The following SCN1A variants were observed in gnomAD, a reference collection of about 807,000 sequenced individuals.
SCN1A encodes the protein sodium voltage-gated channel alpha subunit 1, also known as sodium channel protein type 1 subunit alpha.
Under a neutral mutation model 193.7 loss-of-function variants are expected in SCN1A, and 13 were observed. The observed-to-expected ratio is 0.07, with a 90% confidence interval of 0.04 to 0.11. SCN1A has a LOEUF of 0.11. SCN1A is among the 10% of genes least tolerant of loss of function. The pLI is 1.00. For missense variants in SCN1A, 1,432 were observed against 2,451.1 expected, an observed-to-expected ratio of 0.58 and a Z score of 8.78; for synonymous variants, 781 against 843.6, an observed-to-expected ratio of 0.93 and a Z score of 1.29.
upstream of SCN1A, among the ~76,000 whole-genome samples, chr2:166,129,988 G>A (rs1445625303): frequency 1.3e-5 from 2 of 152,074 alleles, no homozygotes; most frequent in Admixed American, 6.6e-5. Flanking sequence ...CCTCACCATG[G>A]GGACTCAGGA....
chr2:166,145,528 T>TTA lies in SCN1A; in HGVS notation c.-50+3518_-50+3519insTA, dbSNP rs1553468487. Among the ~76,000 whole-genome samples, 5 of 150,302 alleles carry TTA rather than the reference T, an allele frequency of 3.3e-5. No individual in the cohort carries two copies. In the East Asian group the frequency reaches 9.8e-4, roughly 30 times the overall value. On this transcript the variant is annotated intron_variant, in intron 1 of 26. Transcript: ENST00000635750. ...GAATCTTTAACTGTTGGAGAAAAAT[T>TTA]TGTGTGTGTGTGTGTGTGTAGGCGC...
At chr2:166,097,228 C>T (rs936903030) in intron 2 of SCN1A, among the ~76,000 whole-genome samples, 1 of 152,166 alleles carries the variant, frequency 6.6e-6, no homozygotes, top group Middle Eastern at 3.4e-3. Flanking sequence ...CACCATGTCA[C>T]CCAGGCTGGT....
At chr2:166,108,243 C>T (rs940542875) in intron 2 of SCN1A, among the ~76,000 whole-genome samples, 7 of 151,724 alleles carry the variant, frequency 4.6e-5, no homozygotes, top group Admixed American at 3.9e-4. Context: ...AAATAAAAAA[C>T]CCAATGAGAC....
At chr2:166,078,976 G>C (rs977860593) in intron 2 of SCN1A, among the ~76,000 whole-genome samples, 1 of 151,312 alleles carries the variant, frequency 6.6e-6, no homozygotes, top group African/African-American at 2.4e-5. Flanking sequence ...AATGTAGTTC[G>C]TACCATTTCT....
chr2:166,103,133 A>G (rs1020071534), intron 2 of SCN1A, among the ~76,000 whole-genome samples: 5 of 152,032 alleles, frequency 3.3e-5, no homozygotes, highest in Non-Finnish European at 5.9e-5. Context: ...GGCCAGACAC[A>G]GTTGAATAGC....
At chr2:166,044,307 C>T (rs1396247256) in intron 13 of SCN1A, among the ~76,000 whole-genome samples, 1 of 152,074 alleles carries the variant, frequency 6.6e-6, no homozygotes. Context: ...CACACACACA[C>T]ATACACACAC....
chr2:166,056,942 C>CAT (rs1286678886), intron 5 of SCN1A, among the ~76,000 whole-genome samples: 17 of 152,150 alleles, frequency 1.1e-4, no homozygotes, highest in Admixed American at 6.6e-5. Flanking sequence ...TTCTTAAACA[C>CAT]ATCTTATCCA....
chr2:166,052,964 A>C, intron 7 of SCN1A, 21 bp from the exon 8 acceptor site: 1 of 1,591,344 alleles, frequency 6.3e-7, no homozygotes, highest in Non-Finnish European at 8.6e-7. Flanking sequence ...GAGTTCACAC[A>C]CAAACACAAA....
rs756519197 is a variant in SCN1A at position 165,991,313 on chromosome 2, G to A, written c.5962C>T (p.Arg1988Trp). Reference protein sequence around the residue: ...STAACPPSYDRVTKPIVEKHE... With the variant: ...STAACPPSYDWVTKPIVEKHE... ...TTTTCCACAATTGGCTTTGTCACCC[G>A]GTCATAGGAAGGTGGACAAGCTGCA... Residue 1988 changes from arginine to tryptophan, a missense_variant, in exon 29 of 29, where the codon CGG becomes TGG. Physicochemically the swap from Arg to Trp is moderately radical, Grantham distance 101 (BLOSUM62 -3). Coordinates refer to ENST00000674923, the MANE Select transcript of SCN1A (RefSeq NM_001165963.4). 6.2e-6 allele frequency: 10 copies of A among 1,613,286 alleles called. No individual in the cohort carries two copies. The highest frequency in any genetic ancestry group is 3.3e-5 in the South Asian group (3 of 91,016).
rs577310074 is a variant in SCN1A, at chr2:166,026,712, C to G, written c.3429+9336G>C. 5.0e-5 allele frequency among the ~76,000 whole-genome samples: 5 copies of G among 99,868 alleles called. No homozygotes were observed. In the East Asian group the frequency reaches 1.6e-3, roughly 32 times the overall value. The allele number at this position is 99,868 out of a possible 152,430, so 65.5% of individuals were successfully genotyped here. On this transcript the variant is annotated intron_variant, in intron 19 of 28. Transcript: ENST00000674923. ...TTTTTTTTTTTTTTTGAGACTGAGT[C>G]TTGCTCTGTCGCTCAGGCTGGAGTG...
chr2:166,028,876 T>C (rs931354734), intron 19 of SCN1A, among the ~76,000 whole-genome samples: 3 of 152,174 alleles, frequency 2.0e-5, no homozygotes, highest in East Asian at 1.9e-4. Flanking sequence ...CCACACACTC[T>C]AATAGGAGTA....
chr2:166,115,506 T>C (rs1689753877), intron 2 of SCN1A, among the ~76,000 whole-genome samples: 1 of 152,210 alleles, frequency 6.6e-6, no homozygotes. Context: ...CAGTGCTTAA[T>C]CATAGTATAT....
chr2:166,079,132 A>G (rs1407017403), intron 2 of SCN1A, among the ~76,000 whole-genome samples: 1 of 151,614 alleles, frequency 6.6e-6, no homozygotes, highest in Non-Finnish European at 1.5e-5. Flanking sequence ...CTTATTTCTT[A>G]TCTTATGTAG....
chr2:166,026,517 A>AAT (rs1362794592), intron 19 of SCN1A, among the ~76,000 whole-genome samples: 2 of 152,088 alleles, frequency 1.3e-5, no homozygotes, highest in Admixed American at 1.3e-4. Flanking sequence ...AATATTCTCA[A>AAT]ATAAGTATTT....
At chr2:166,122,185 T>A (rs954050762) in intron 2 of SCN1A, among the ~76,000 whole-genome samples, 2 of 152,182 alleles carry the variant, frequency 1.3e-5, no homozygotes, top group African/African-American at 4.8e-5. Flanking sequence ...CACACCTCTA[T>A]CTCAAGTTCA....
intron 1 of SCN1A, among the ~76,000 whole-genome samples, chr2:166,146,231 G>A (rs1343577477): frequency 2.6e-5 from 4 of 152,104 alleles, no homozygotes; most frequent in South Asian, 2.1e-4. Context: ...AGATACCTGA[G>A]CAAGATATCT....
At chr2:166,146,825 C>A (rs1057272338) in intron 1 of SCN1A, among the ~76,000 whole-genome samples, 2 of 151,998 alleles carry the variant, frequency 1.3e-5, no homozygotes, top group Non-Finnish European at 2.9e-5. Flanking sequence ...GAAAATAGAC[C>A]TTCTTATGGA....
At chr2:166,121,118 GAAAA>G (rs11299049) in intron 2 of SCN1A, among the ~76,000 whole-genome samples, 2 of 96,580 alleles carry the variant, frequency 2.1e-5, no homozygotes, top group Non-Finnish European at 4.6e-5. Context: ...GGAAAAAAAA[GAAAA>G]AAAAAAAAAA....
At chr2:166,017,248 T>C (rs1693429298) in intron 19 of SCN1A, among the ~76,000 whole-genome samples, 2 of 151,928 alleles carry the variant, frequency 1.3e-5, no homozygotes, top group African/African-American at 2.4e-5. Context: ...TTCAACATGA[T>C]AGACAGTAGT....
Sources: gnomAD v4.1 joint callset for allele counts (sites outside exome capture counted in the v4.1 genomes callset) on GRCh38, gnomAD v4.1.1 for gene constraint, MANE v1.5 for transcripts, NCBI Gene and HGNC (gene_info 2026-07-23, HGNC 2026-07-21) for gene names.